The following LY6E variants were observed in gnomAD, a reference collection of about 807,000 sequenced individuals.
The protein encoded by LY6E is lymphocyte antigen 6E.
Under a neutral mutation model 7.7 loss-of-function variants are expected in LY6E, and 4 were observed. The ratio of observed to expected loss-of-function variants is 0.52; its 90% CI spans 0.25 to 1.18. The LOEUF is 1.18. Among genes scored for constraint, LY6E ranks in the 50% most tolerant of loss-of-function variants. LY6E has a pLI of 0.14. For missense variants in LY6E, 156 were observed against 168.0 expected (o/e 0.93, Z 0.40); for synonymous variants, 81 against 80.1 (o/e 1.01, Z -0.06).
chr8:143,020,399 T>C (rs1477642980), intron 1 of LY6E: 2 of 154,606 alleles, frequency 1.3e-5, no homozygotes, highest in East Asian at 1.9e-4. Flanking sequence ...GCCCGGCTAA[T>C]TTTTGTATTT....
In LY6E at chr8:143,021,426, C is replaced by A. The variant is rs139281266; in HGVS notation, c.165C>A (p.Ala55=). 42 of 1,613,842 alleles carry A rather than the reference C, an allele frequency of 2.6e-5. No individual in the cohort carries two copies. The highest frequency in any genetic ancestry group is 4.0e-5 in the African/African-American group (3 of 74,926). The change falls in exon 3 of 4, where the codon GCC becomes GCA. Residue 55 remains alanine (A), a synonymous_variant. Transcript: ENST00000292494. ...ACTGCGTGACTGTGTCTGCTAGTGC[C>A]GGCATTGGTGAGTGCCAGGCCTCAG... The part of the protein sequence containing the change: ...DNYCVTVSAS[A]GIGNLVTFGH...
rs888170980 is a variant in LY6E at position 143,021,973 on chromosome 8, C to T, written c.*184C>T. 1.6e-6 allele frequency: 1 copy of T among 610,802 alleles called. No individual in the cohort carries two copies. Among genetic ancestry groups the T allele is most frequent in the Non-Finnish European group, 2.9e-6 (1 of 347,948 alleles). 37.8% of individuals were successfully genotyped at this position (610,802 alleles called of 1,614,324 possible). On this transcript the variant is annotated 3_prime_UTR_variant, in exon 4 of 4. Coordinates refer to ENST00000292494, the MANE Select transcript of LY6E (RefSeq NM_002346.3). ...CTGCCTCTGCCCCAAGTGGGGCCAG[C>T]TGCCCTCACTTCTGGGGTGGATGAT...
rs1283532866 is a variant in LY6E at position 143,021,798 on chromosome 8, A to T, written c.*9A>T. ...TGCGGTTTGGCCCCTGACCGCCCAG[A>T]CCCTGTCCCCCGATCCCCCAGCTCA... On this transcript the variant is annotated 3_prime_UTR_variant, in exon 4 of 4. Coordinates refer to ENST00000292494, the MANE Select transcript of LY6E (RefSeq NM_002346.3). The T allele has an allele frequency of 6.3e-7, 1 of 1,589,486 alleles. No homozygotes were observed. Among genetic ancestry groups the T allele is most frequent in the South Asian group, 1.1e-5 (1 of 88,818 alleles).
rs200123143 is a variant in LY6E at position 143,021,457 on chromosome 8, G to A, written c.172+24G>A. The A allele has an allele frequency of 1.3e-4, 210 of 1,613,848 alleles. 3 individuals are homozygous for A. The African/African-American group carries it at 2.3e-3, about 18-fold the overall frequency. ...TGGTGAGTGCCAGGCCTCAGACCGT[G>A]CCTTCCTCCCCTGGCCATCTCCCTA... On this transcript the variant is annotated intron_variant, in intron 3 of 3. Coordinates refer to ENST00000292494, the MANE Select transcript of LY6E (RefSeq NM_002346.3).
chr8:143,021,096 G>A (rs894759260), intron 2 of LY6E, 105 bp downstream of exon 2: 204 of 1,362,908 alleles, frequency 1.5e-4, no homozygotes, highest in Admixed American at 3.4e-4. Flanking sequence ...CTTCCAGGCC[G>A]CTCCCAGCAG....
In LY6E at chr8:143,020,873, G is replaced by A; in HGVS notation, c.-57-10G>A. 6.7e-7 allele frequency: 1 copy of A among 1,497,528 alleles called. No homozygotes were observed. 92.8% of individuals were successfully genotyped at this position (1,497,528 alleles called of 1,614,324 possible). On this transcript the variant is annotated splice_polypyrimidine_tract_variant and intron_variant, in intron 1 of 3. Coordinates refer to ENST00000292494, the MANE Select transcript of LY6E (RefSeq NM_002346.3). ...CACCACCCGGCCCCCTAACCAGTGTGTCTCTCCAGAGCAGGACAGGCTGCT... is the reference window on the plus strand; with the variant it reads ...CACCACCCGGCCCCCTAACCAGTGTATCTCTCCAGAGCAGGACAGGCTGCT...
chr8:143,021,102 A>G, intron 2 of LY6E, 111 bp downstream of exon 2: 1 of 1,333,384 alleles, frequency 7.5e-7, no homozygotes. Flanking sequence ...GGCCGCTCCC[A>G]GCAGAGGGCT....
rs1360253211 is a variant in LY6E at position 143,021,317 on chromosome 8, G to A, written c.56G>A (p.Ser19Asn). ...CAGGTGTGTCCTCCTTCCGCAGCCAGCTCGCTGATGTGCTTCTCCTGCTTG... is the reference window on the plus strand; with the variant it reads ...CAGGTGTGTCCTCCTTCCGCAGCCAACTCGCTGATGTGCTTCTCCTGCTTG... ...LAALLGVERA[S>N]SLMCFSCLNQ... Residue 19 changes from serine (S) to asparagine (N), a missense_variant, in exon 3 of 4, where the codon AGC becomes AAC. Ser to Asn is a conservative substitution (Grantham distance 46, BLOSUM62 1). Coordinates refer to ENST00000292494, the MANE Select transcript of LY6E (RefSeq NM_002346.3). The A allele has an allele frequency of 4.3e-6, 7 of 1,613,220 alleles. No homozygotes were observed. The highest frequency in any genetic ancestry group is 5.9e-6 in the Non-Finnish European group (7 of 1,179,930).
chr8:143,021,504 A>G (rs1819222402), intron 3 of LY6E, 62 bp from the exon 4 acceptor site: 2 of 1,612,924 alleles, frequency 1.2e-6, no homozygotes, highest in Middle Eastern at 1.7e-4. Context: ...GGCTCAGCAG[A>G]GGCCATTGCT....
rs867714432 is a variant in LY6E at position 143,018,546 on chromosome 8, G to A, written c.-98G>A. The stretch of plus-strand genomic sequence containing the variant: ...CGCGGTCCAGAGCGCGCGAGGTTCG[G>A]GGAGCTCGGCCAGGCTGCTGGTACC... On this transcript the variant is annotated 5_prime_UTR_variant, in exon 1 of 4. Transcript: ENST00000292494. 2.3e-4 allele frequency: 36 copies of A among 155,576 alleles called. 1 individual carries two copies. The Middle Eastern group carries it at 0.019, about 82-fold the overall frequency. 9.6% of individuals were successfully genotyped at this position (155,576 alleles called of 1,614,324 possible).
At chr8:143,019,391 C>A (rs528492391) in intron 1 of LY6E, among the ~76,000 whole-genome samples, 3 of 152,356 alleles carry the variant, frequency 2.0e-5, no homozygotes, top group African/African-American at 7.2e-5. Flanking sequence ...TTAGCTCAGC[C>A]TGGTGGCCCA....
rs764070351 is a variant in LY6E, at chr8:143,021,677, G to A, written c.284G>A (p.Ser95Asn). Residue 95 changes from serine (S) to asparagine (N), a missense_variant, in exon 4 of 4, where the codon AGC becomes AAC. Physicochemically the swap from Ser to Asn is conservative, Grantham distance 46. Coordinates refer to ENST00000292494, the MANE Select transcript of LY6E (RefSeq NM_002346.3). ...VASMGISCCQ[S>N]FLCNFSAADG... Reference sequence around the variant, plus strand: ...TCCATGGGCATCAGCTGCTGCCAGAGCTTTCTGTGCAATTTCAGTGCGGCC... The same window carrying A: ...TCCATGGGCATCAGCTGCTGCCAGAACTTTCTGTGCAATTTCAGTGCGGCC... The A allele has an allele frequency of 2.4e-5, 38 of 1,613,660 alleles. No homozygotes were observed. Among genetic ancestry groups the A allele is most frequent in the Non-Finnish European group, 3.0e-5 (35 of 1,180,038 alleles).
Position 143,021,865 on chromosome 8 carries a change from G to C in LY6E, c.*76G>C, listed in dbSNP as rs1293288568. The C allele has an allele frequency of 5.1e-6, 7 of 1,372,730 alleles. No homozygotes were observed. Among genetic ancestry groups the C allele is most frequent in the African/African-American group, 1.4e-5 (1 of 69,484 alleles). 85.0% of individuals were successfully genotyped at this position (1,372,730 alleles called of 1,614,324 possible). A position where few individuals can be genotyped will look rare whatever the true frequency, so the allele number is the denominator to read the frequency against. On this transcript the variant is annotated 3_prime_UTR_variant, in exon 4 of 4. Transcript: ENST00000292494. Reference sequence around the variant, plus strand: ...CCTTTCTGGATCCCACAGTGTATGGGAGCCCCTGACTCCTCACGTGCCTGA... The same window carrying C: ...CCTTTCTGGATCCCACAGTGTATGGCAGCCCCTGACTCCTCACGTGCCTGA...
intron 1 of LY6E, among the ~76,000 whole-genome samples, chr8:143,019,789 C>T (rs577805921): frequency 2.0e-5 from 3 of 152,358 alleles, no homozygotes; most frequent in African/African-American, 4.8e-5. Context: ...GTCCCTCCCA[C>T]TCCTCTGCCC....
In LY6E at chr8:143,021,740, C is replaced by G. The variant is rs1026673792; in HGVS notation, c.347C>G (p.Ala116Gly). The change falls in exon 4 of 4, where the codon GCC becomes GGC. Residue 116 changes from alanine (A) to glycine (G), a missense_variant. Coordinates refer to ENST00000292494, the MANE Select transcript of LY6E (RefSeq NM_002346.3). ...CGGGCAAGCGTCACCCTGCTGGGTGCCGGGCTGCTGCTGAGCCTGCTGCCG... is the reference window on the plus strand; with the variant it reads ...CGGGCAAGCGTCACCCTGCTGGGTGGCGGGCTGCTGCTGAGCCTGCTGCCG... ...GLRASVTLLG[A>G]GLLLSLLPAL... The G allele has an allele frequency of 6.2e-7, 1 of 1,612,090 alleles. No homozygotes were observed. Among genetic ancestry groups the G allele is most frequent in the Non-Finnish European group, 8.5e-7 (1 of 1,179,676 alleles).
At position 143,021,576 on chromosome 8, in the gene LY6E, G is replaced by C. The variant is rs377346368; in HGVS notation, c.183G>C (p.Val61=). ...VSASAGIGNL[V]TFGHSLSKTC... Reference sequence around the variant, plus strand: ...TCATTTCCCATGCAGGGAATCTCGTGACATTTGGCCACAGCCTGAGCAAGA... The same window carrying C: ...TCATTTCCCATGCAGGGAATCTCGTCACATTTGGCCACAGCCTGAGCAAGA... The change falls in exon 4 of 4, where the codon GTG becomes GTC. Residue 61 remains valine, a synonymous_variant. Coordinates refer to ENST00000292494, the MANE Select transcript of LY6E (RefSeq NM_002346.3). 1.7e-5 allele frequency: 27 copies of C among 1,613,842 alleles called. No individual in the cohort carries two copies. Among genetic ancestry groups the C allele is most frequent in the Non-Finnish European group, 1.9e-5 (23 of 1,180,022 alleles).
intron 1 of LY6E, among the ~76,000 whole-genome samples, chr8:143,019,458 C>T (rs1425233798): frequency 2.0e-5 from 3 of 152,214 alleles, no homozygotes; most frequent in African/African-American, 7.2e-5. Flanking sequence ...CTGTTTGTGG[C>T]CCTGTATGCT....
rs1465738036 is a variant in LY6E, at chr8:143,021,318, C to T, written c.57C>T (p.Ser19=). The T allele has an allele frequency of 6.2e-7, 1 of 1,613,368 alleles. No homozygotes were observed. The highest frequency in any genetic ancestry group is 1.7e-5 in the Admixed American group (1 of 59,998). Residue 19 remains serine, a synonymous_variant, in exon 3 of 4, where the codon AGC becomes AGT. Coordinates refer to ENST00000292494, the MANE Select transcript of LY6E (RefSeq NM_002346.3). ...AGGTGTGTCCTCCTTCCGCAGCCAG[C>T]TCGCTGATGTGCTTCTCCTGCTTGA... ...LAALLGVERA[S]SLMCFSCLNQ... is the part of the protein sequence containing the mutation.
In LY6E at chr8:143,021,705, TGGC is replaced by T. The variant is rs746613764; in HGVS notation, c.315_317del (p.Gly106del). 6.2e-7 allele frequency: 1 copy of T among 1,613,532 alleles called. No individual in the cohort carries two copies. Among genetic ancestry groups the T allele is most frequent in the Non-Finnish European group, 8.5e-7 (1 of 1,180,034 alleles). Reference sequence around the variant, plus strand: ...TTCTGTGCAATTTCAGTGCGGCCGATGGCGGGCTGCGGGCAAGCGTCACCCTGC... The same window carrying T: ...TTCTGTGCAATTTCAGTGCGGCCGATGGGCTGCGGGCAAGCGTCACCCTGC... On this transcript the variant is annotated inframe_deletion, in exon 4 of 4. Coordinates refer to ENST00000292494, the MANE Select transcript of LY6E (RefSeq NM_002346.3).
Sources: allele counts gnomAD v4.1 joint callset (sites outside exome capture counted in the v4.1 genomes callset), GRCh38; gene constraint gnomAD v4.1.1; transcripts MANE v1.5; gene names NCBI Gene and HGNC (gene_info 2026-07-23, HGNC 2026-07-21).